Variants in SCN3A observed in about 807,000 individuals in gnomAD.
SCN3A encodes the protein sodium channel protein type 3 subunit alpha.
Under a neutral mutation model 187.6 loss-of-function variants are expected in SCN3A, and 60 were observed. The observed-to-expected ratio is 0.32, with a 90% confidence interval of 0.26 to 0.40. The LOEUF (loss-of-function observed/expected upper bound fraction) is 0.40, where lower values mean the gene tolerates loss of function less well. Among genes scored for constraint, SCN3A ranks in the 10% least tolerant of loss-of-function variants. The pLI is 1.00. For missense variants in SCN3A, 1,601 were observed against 2,428.2 expected (o/e 0.66, Z 7.16); for synonymous variants, 788 against 829.2 (o/e 0.95, Z 0.85).
rs1685130148 is a variant in SCN3A at position 165,092,003 on chromosome 2, AGTACCTGATAAT to A, written c.4807+239_4807+250del. The A allele has an allele frequency of 1.8e-6, 1 of 546,536 alleles. No homozygotes were observed. Among genetic ancestry groups the A allele is most frequent in the South Asian group, 2.1e-5 (1 of 48,174 alleles). 33.9% of individuals were successfully genotyped at this position (546,536 alleles called of 1,614,324 possible). A position where few individuals can be genotyped will look rare whatever the true frequency, so the allele number is the denominator to read the frequency against. ...TGTGACCTTGGTTTAAGATTAGGAG[AGTACCTGATAAT>A]GTTTATTTCCTGTCTTCTTCACCTC... On this transcript the variant is annotated intron_variant, in intron 27 of 27. Transcript: ENST00000283254. This position sits in a 1 kb window ranked among gnomAD's most constrained non-coding sequence, Gnocchi z 4.2.
intron 18 of SCN3A, among the ~76,000 whole-genome samples, chr2:165,126,099 T>C (rs1480855230): frequency 1.3e-5 from 2 of 152,158 alleles, no homozygotes; most frequent in African/African-American, 4.8e-5. Flanking sequence ...GATACACTTA[T>C]TTAAAAAAAA....
chr2:165,128,599 C>T (rs1431039913), intron 17 of SCN3A, among the ~76,000 whole-genome samples: 1 of 152,170 alleles, frequency 6.6e-6, no homozygotes, highest in East Asian at 1.9e-4. Flanking sequence ...ATACAAATTC[C>T]TTTGGCCCAA....
chr2:165,186,097 T>C (rs1041451250), intron 2 of SCN3A, among the ~76,000 whole-genome samples: 4 of 151,836 alleles, frequency 2.6e-5, no homozygotes, highest in African/African-American at 9.7e-5. Context: ...CGATGAAACC[T>C]CGTCTCTACT....
intron 18 of SCN3A, among the ~76,000 whole-genome samples, chr2:165,121,313 C>T (rs1574144930): frequency 6.6e-6 from 1 of 152,004 alleles, no homozygotes; most frequent in African/African-American, 2.4e-5. Context: ...GTGCTCCGGA[C>T]CTTAGTCAAA....
intron 6 of SCN3A, 114 bp downstream of exon 6, chr2:165,164,278 A>G (rs980238291): frequency 6.5e-5 from 86 of 1,313,228 alleles, no homozygotes; most frequent in African/African-American, 2.8e-4. Context: ...CACAATCCAT[A>G]TAGTTAACTT....
At chr2:165,118,662 C>T (rs1165664773) in intron 18 of SCN3A, among the ~76,000 whole-genome samples, 2 of 152,138 alleles carry the variant, frequency 1.3e-5, no homozygotes, top group Admixed American at 1.3e-4. Context: ...TCATGGCTCA[C>T]TGTATCCTCA....
intron 1 of SCN3A, among the ~76,000 whole-genome samples, chr2:165,187,442 A>T (rs1691315364): frequency 6.6e-6 from 1 of 152,236 alleles, no homozygotes; most frequent in African/African-American, 2.4e-5. Context: ...TCAGTAACTG[A>T]CATTTAAAAC....
At chr2:165,118,887 C>G (rs1026340685) in intron 18 of SCN3A, among the ~76,000 whole-genome samples, 5 of 152,210 alleles carry the variant, frequency 3.3e-5, no homozygotes, top group Non-Finnish European at 7.3e-5. Flanking sequence ...CTCAGCCTCT[C>G]TAGTAGCTGG....
At chr2:165,122,171 C>G (rs1249405507) in intron 18 of SCN3A, among the ~76,000 whole-genome samples, 1 of 151,452 alleles carries the variant, frequency 6.6e-6, no homozygotes, top group Non-Finnish European at 1.5e-5. Context: ...CAGACTATGG[C>G]CCTTCATCTC....
At chr2:165,103,355 G>A (rs766886300) in intron 21 of SCN3A, among the ~76,000 whole-genome samples, 2 of 152,074 alleles carry the variant, frequency 1.3e-5, no homozygotes, top group African/African-American at 2.4e-5. Context: ...TAGAATTTAG[G>A]TCATCTGTTT....
chr2:165,100,659 T>C (rs1685563642), intron 21 of SCN3A, among the ~76,000 whole-genome samples: 1 of 152,142 alleles, frequency 6.6e-6, no homozygotes, highest in African/African-American at 2.4e-5. Flanking sequence ...TGTCAATATC[T>C]CCAGTTAGAT....
In SCN3A at chr2:165,162,576, T is replaced by C. The variant is rs1448835163; in HGVS notation, c.947A>G (p.Lys316Arg). Residue 316 changes from lysine (K) to arginine (R), a missense_variant, in exon 8 of 28, where the codon AAG (lysine) becomes AGG (arginine). This residue lies in a region of SCN3A where 104 missense variants were observed against 102.7 expected (regional missense o/e 1.01). Coordinates refer to ENST00000283254, the MANE Select transcript of SCN3A (RefSeq NM_006922.4). ...VNVTMSTFNW[K>R]DYIGDDSHFY... ...CTTACTGTCATCTCCAATGTAATCC[T>C]TCCAGTTAAATGTGCTCATTGTTAC... The C allele has an allele frequency of 1.2e-6, 2 of 1,614,138 alleles. No homozygotes were observed. Among genetic ancestry groups the C allele is most frequent in the South Asian group, 2.2e-5 (2 of 91,082 alleles).
At chr2:165,173,727 T>C (rs187558524) in intron 3 of SCN3A, among the ~76,000 whole-genome samples, 1 of 152,296 alleles carries the variant, frequency 6.6e-6, no homozygotes, top group African/African-American at 2.4e-5. Flanking sequence ...TATTTTTAAA[T>C]TCTAAAACTT....
At chr2:165,186,370 G>A (rs1691241961) in intron 2 of SCN3A, among the ~76,000 whole-genome samples, 181 bp downstream of exon 2, 1 of 152,052 alleles carries the variant, frequency 6.6e-6, no homozygotes, top group African/African-American at 2.4e-5. Flanking sequence ...CATTCCCTAA[G>A]GTCATCTGTG....
At chr2:165,197,283 GC>G in intron 1 of SCN3A, among the ~76,000 whole-genome samples, 1 of 152,184 alleles carries the variant, frequency 6.6e-6, no homozygotes. Context: ...CACTTCCCTA[GC>G]CAAGTTTTCA....
At chr2:165,125,980 A>G (rs559058946) in intron 18 of SCN3A, among the ~76,000 whole-genome samples, 1 of 152,332 alleles carries the variant, frequency 6.6e-6, no homozygotes, top group Admixed American at 6.5e-5. Context: ...TTTCCAACTT[A>G]TTATTATACT....
intron 22 of SCN3A, 40 bp from the exon 23 acceptor site, chr2:165,097,564 T>G: frequency 6.2e-7 from 1 of 1,609,612 alleles, no homozygotes; most frequent in African/African-American, 1.3e-5. Flanking sequence ...TACAAACCTT[T>G]TGAATGGAAA....
In SCN3A at chr2:165,173,439, A is replaced by G. The variant is rs190707502; in HGVS notation, c.264+2692T>C. Among the ~76,000 whole-genome samples, 15 of 152,250 alleles carry G rather than the reference A, an allele frequency of 9.9e-5. No homozygotes were observed. In the East Asian group the frequency reaches 2.7e-3, roughly 28 times the overall value. ...CTGAGCTAACAATAGGACCTGCCTCACTGGTTCACTATATAGTAAATGAGT... is the reference window on the plus strand; with the variant it reads ...CTGAGCTAACAATAGGACCTGCCTCGCTGGTTCACTATATAGTAAATGAGT... On this transcript the variant is annotated intron_variant, in intron 3 of 27. Coordinates refer to ENST00000283254, the MANE Select transcript of SCN3A (RefSeq NM_006922.4).
intron 18 of SCN3A, among the ~76,000 whole-genome samples, chr2:165,127,182 C>T (rs1687047023): frequency 6.6e-6 from 1 of 152,118 alleles, no homozygotes; most frequent in African/African-American, 2.4e-5. Context: ...CCTCAGCCTC[C>T]TTTGTAGCTG....
Sources: gnomAD v4.1 joint callset for allele counts (sites outside exome capture counted in the v4.1 genomes callset) on GRCh38, gnomAD v4.1.1 for gene constraint, gnomAD v4.1.1 regional missense constraint, Gnocchi (gnomAD v3.1) non-coding constraint, MANE v1.5 for transcripts, NCBI Gene and HGNC (gene_info 2026-07-23, HGNC 2026-07-21) for gene names.